The following DEPDC4 variants were observed in gnomAD, a reference collection of about 807,000 sequenced individuals.
The protein encoded by DEPDC4 is DEP domain containing 4.
In DEPDC4, 52 loss-of-function variants were observed where a neutral mutation model predicts 52.0. The observed-to-expected ratio is 1.00, with a 90% CI of 0.80 to 1.26. The LOEUF (loss-of-function observed/expected upper bound fraction) is 1.26. DEPDC4 is among the 50% of genes most tolerant of loss of function. DEPDC4 has a pLI of 0.00. For missense variants in DEPDC4, 530 were observed against 546.9 expected (o/e 0.97, Z 0.31); for synonymous variants, 201 against 196.8 (o/e 1.02, Z -0.18).
upstream of DEPDC4, among the ~76,000 whole-genome samples, chr12:100,268,703 C>T (rs1200913011): frequency 6.6e-6 from 1 of 152,128 alleles, no homozygotes; most frequent in Non-Finnish European, 1.5e-5. Flanking sequence ...ACAGATCAAC[C>T]CTGTTACTGG....
chr12:100,263,665 T>A lies in DEPDC4; in HGVS notation c.386A>T (p.Asn129Ile). 2.5e-6 allele frequency: 4 copies of A among 1,614,062 alleles called. No individual in the cohort carries two copies. Among genetic ancestry groups the A allele is most frequent in the Non-Finnish European group, 3.4e-6 (4 of 1,179,998 alleles). Residue 129 changes from asparagine to isoleucine, a missense_variant, in exon 2 of 10, where the codon AAT (asparagine) becomes ATT (isoleucine). Coordinates refer to ENST00000550587, the MANE Select transcript of DEPDC4 (RefSeq NM_001364818.2). ...KGVHLCQVLM[N>I]HKVFEPVGMK... ...TCCTACTGGTTCAAATACTTTGTGA[T>A]TCATTAGAACTTGGCAAAGATGAAC... is the stretch of plus-strand genomic sequence containing the variant.
At chr12:100,239,977 C>A (rs1396633923), downstream of DEPDC4, among the ~76,000 whole-genome samples, 1 of 152,088 alleles carries the variant, frequency 6.6e-6, no homozygotes. Context: ...CCATGTCTGA[C>A]TTCTTAGTTG....
At position 100,252,440 on chromosome 12, in the gene DEPDC4, AAAGT is replaced by A; in HGVS notation, c.1198_1201del (p.Thr400LeufsTer24). On this transcript the variant is annotated frameshift_variant, in exon 6 of 10. Coordinates refer to ENST00000550587, the MANE Select transcript of DEPDC4 (RefSeq NM_001364818.2). LOFTEE classifies it high-confidence loss of function. ...ATTGGGCTCTGATGCCATTGCCATA[AAAGT>A]AAGTAGCCGTCGTAATTCTTCTCTA... The A allele has an allele frequency of 6.2e-7, 1 of 1,601,298 alleles. No homozygotes were observed. Among genetic ancestry groups the A allele is most frequent in the Non-Finnish European group, 8.5e-7 (1 of 1,178,226 alleles).
chr12:100,247,162 C>G (rs1283967676), intron 8 of DEPDC4, among the ~76,000 whole-genome samples: 3 of 147,314 alleles, frequency 2.0e-5, no homozygotes, highest in African/African-American at 7.5e-5. Context: ...TAGCACATAG[C>G]ATTGTGCAAA....
chr12:100,236,034 A>G (rs2096140913), downstream of DEPDC4, among the ~76,000 whole-genome samples: 1 of 152,140 alleles, frequency 6.6e-6, no homozygotes, highest in African/African-American at 2.4e-5. Flanking sequence ...ATTCCTTTTT[A>G]TGGCTGCATA....
chr12:100,252,468 T>C lies in DEPDC4; in HGVS notation c.1174A>G (p.Arg392Gly), dbSNP rs755247986. Residue 392 changes from arginine to glycine, a missense_variant, in exon 6 of 10, where the codon AGA becomes GGA. Physicochemically the swap from Arg to Gly is moderately radical, Grantham distance 125 (BLOSUM62 -2). Coordinates refer to ENST00000550587, the MANE Select transcript of DEPDC4 (RefSeq NM_001364818.2). ...LYLRLLLLNI[R>G]EELRRLLTFM... The stretch of plus-strand genomic sequence containing the variant: ...GTAAGTAGCCGTCGTAATTCTTCTC[T>C]AATGTTCAGCAACAGCAATCTTAGA... The C allele has an allele frequency of 1.1e-5, 18 of 1,607,856 alleles. No individual in the cohort carries two copies. Among genetic ancestry groups the C allele is most frequent in the Non-Finnish European group, 1.4e-5 (17 of 1,179,840 alleles).
chr12:100,262,335 G>A lies in DEPDC4; in HGVS notation c.629C>T (p.Thr210Ile). The A allele has an allele frequency of 1.2e-6, 2 of 1,613,344 alleles. No individual in the cohort carries two copies. The highest frequency in any genetic ancestry group is 1.7e-6 in the Non-Finnish European group (2 of 1,179,664). ...ACATAAAGCTGGATTCCCATTTATT[G>A]TATGAATAAGTTCCTCAATTCTTTC... is the stretch of plus-strand genomic sequence containing the variant. ...GEERIEELIHTINGNPALCPN... is the reference protein window; with the variant it reads ...GEERIEELIHIINGNPALCPN... Residue 210 changes from threonine to isoleucine, a missense_variant, in exon 3 of 10, where the codon ACA becomes ATA. By Grantham distance (89) the Thr-to-Ile change is moderately conservative. Coordinates refer to ENST00000550587, the MANE Select transcript of DEPDC4 (RefSeq NM_001364818.2).
At chr12:100,254,526 A>G (rs1380875581) in intron 4 of DEPDC4, among the ~76,000 whole-genome samples, 3 of 151,682 alleles carry the variant, frequency 2.0e-5, no homozygotes, top group African/African-American at 7.3e-5. Context: ...GGGTTTTACT[A>G]TGGTTGCTCA....
At chr12:100,255,176 G>A (rs369085998) in intron 4 of DEPDC4, among the ~76,000 whole-genome samples, 6 of 152,298 alleles carry the variant, frequency 3.9e-5, no homozygotes, top group East Asian at 3.9e-4. Context: ...TTGCCTGGAA[G>A]CTTTTTAAGG....
chr12:100,271,216 G>T (rs76891700), upstream of DEPDC4, among the ~76,000 whole-genome samples: 1 of 137,472 alleles, frequency 7.3e-6, no homozygotes. Flanking sequence ...TACATCTTAA[G>T]GCCAACTCTG....
At chr12:100,233,173 T>C (rs2096136957) in intron 9 of DEPDC4, among the ~76,000 whole-genome samples, 1 of 152,182 alleles carries the variant, frequency 6.6e-6, no homozygotes, top group African/African-American at 2.4e-5. Flanking sequence ...ATTTAGATGT[T>C]CACAAGTATC....
intron 9 of DEPDC4, 98 bp from the exon 10 acceptor site, chr12:100,241,943 G>A (rs1473334707): frequency 2.7e-5 from 21 of 773,022 alleles, no homozygotes; most frequent in South Asian, 4.1e-5. Flanking sequence ...CTGGTCTTAC[G>A]GTATGTTACC....
downstream of DEPDC4, among the ~76,000 whole-genome samples, chr12:100,236,001 GTTGC>G (rs1308403173): frequency 6.6e-6 from 1 of 152,148 alleles, no homozygotes; most frequent in East Asian, 1.9e-4. Flanking sequence ...TCCCATCCAG[GTTGC>G]TGCGAATGCC....
At chr12:100,249,443 G>A (rs750270511) in intron 7 of DEPDC4, among the ~76,000 whole-genome samples, 76 of 152,242 alleles carry the variant, frequency 5.0e-4, no homozygotes, top group Non-Finnish European at 7.5e-4. Flanking sequence ...GAGTCCAGAA[G>A]TTCAAGACCA....
intron 1 of DEPDC4, among the ~76,000 whole-genome samples, chr12:100,265,963 G>C (rs150959216): frequency 2.0e-5 from 3 of 152,256 alleles, no homozygotes; most frequent in East Asian, 3.9e-4. Flanking sequence ...TCACAAAGTT[G>C]TGCAGCCATC....
At chr12:100,238,181 C>CT (rs752302093), downstream of DEPDC4, 6,416 of 294,860 alleles carry the variant, frequency 0.022, 1 homozygote, top group Middle Eastern at 0.031. Context: ...AATTGGGTTG[C>CT]TTTTTTTTTT....
At chr12:100,280,119 G>A in the DEPDC4 span, among the ~76,000 whole-genome samples, 3 of 152,078 alleles carry the variant, frequency 2.0e-5, no homozygotes, top group Admixed American at 2.0e-4. Flanking sequence ...GGCTCTTGCT[G>A]CCTGTTCAAT....
At chr12:100,270,125 T>G (rs2135782650), upstream of DEPDC4, among the ~76,000 whole-genome samples, 2 of 152,088 alleles carry the variant, frequency 1.3e-5, no homozygotes, top group Middle Eastern at 3.4e-3. Flanking sequence ...TAGCTGGGAC[T>G]ACAGGCGCCC....
downstream of DEPDC4, among the ~76,000 whole-genome samples, chr12:100,237,260 T>G (rs2096142706): frequency 1.3e-5 from 2 of 150,954 alleles, no homozygotes; most frequent in African/African-American, 4.9e-5. Context: ...CAGGCTGGAG[T>G]GCAGTGGCGT....
Sources: allele counts gnomAD v4.1 joint callset (sites outside exome capture counted in the v4.1 genomes callset), GRCh38; gene constraint gnomAD v4.1.1; transcripts MANE v1.5; gene names NCBI Gene and HGNC (gene_info 2026-07-23, HGNC 2026-07-21).